ARHGAP18: variants seen among roughly 807,000 people sequenced by gnomAD.
ARHGAP18 encodes the protein Rho GTPase activating protein 18.
In ARHGAP18, 67 loss-of-function variants were observed where a neutral mutation model predicts 86.2. The observed-to-expected ratio is 0.78, with a 90% CI of 0.64 to 0.95. The LOEUF (loss-of-function observed/expected upper bound fraction) is 0.95. Among genes scored for constraint, ARHGAP18 ranks in the 40% least tolerant of loss-of-function variants. The pLI, the probability that ARHGAP18 is intolerant of heterozygous loss-of-function variation, is 0.00. For synonymous variants in ARHGAP18, 283 were observed against 280.4 expected (o/e 1.01, Z -0.09); for missense variants, 691 against 780.4 (o/e 0.89, Z 1.37).
At chr6:129,590,368 A>T (rs1478764051) in intron 12 of ARHGAP18, among the ~76,000 whole-genome samples, 1 of 152,164 alleles carries the variant, frequency 6.6e-6, no homozygotes, top group African/African-American at 2.4e-5. Flanking sequence ...GGAATCTAGG[A>T]TCTTTCTGAT....
At chr6:129,612,452 A>G (rs1050204427) in intron 7 of ARHGAP18, among the ~76,000 whole-genome samples, 5 of 152,234 alleles carry the variant, frequency 3.3e-5, no homozygotes, top group Admixed American at 2.0e-4. Flanking sequence ...TCATTTCACA[A>G]TTGCCTTCCC....
rs961071155 is a variant in ARHGAP18, at chr6:129,683,134, T to G, written c.113+26890A>C. Among the ~76,000 whole-genome samples the G allele has an allele frequency of 3.3e-5, 5 of 151,740 alleles. 1 individual carries two copies. The South Asian group carries it at 6.3e-4, about 19-fold the overall frequency. ...TCACCCAGGCTGGACTGCAGTGGCG[T>G]GATCTCGGCTCACTGCAAGCTCCAC... On this transcript the variant is annotated intron_variant, in intron 1 of 14. Transcript: ENST00000368149.
intron 8 of ARHGAP18, among the ~76,000 whole-genome samples, chr6:129,609,165 AGAGAGGCAGAAAAAATGGAGG>A (rs946066108): frequency 6.6e-6 from 1 of 152,098 alleles, no homozygotes; most frequent in Non-Finnish European, 1.5e-5. Context: ...GATCCAGAGA[AGAGAGGCAGAAAAAATGGAGG>A]GAGAGGGAGA....
intron 12 of ARHGAP18, among the ~76,000 whole-genome samples, chr6:129,596,250 G>A (rs1248910792): frequency 1.3e-5 from 2 of 151,902 alleles, no homozygotes; most frequent in Non-Finnish European, 2.9e-5. Flanking sequence ...TCACACTACC[G>A]TTCCCTCTGC....
At chr6:129,644,845 T>C (rs1773546586) in intron 1 of ARHGAP18, among the ~76,000 whole-genome samples, 1 of 152,222 alleles carries the variant, frequency 6.6e-6, no homozygotes, top group Non-Finnish European at 1.5e-5. Flanking sequence ...ACACCATCTA[T>C]ATCAAGCCTT....
chr6:129,685,033 G>A (rs375091392), intron 1 of ARHGAP18, among the ~76,000 whole-genome samples: 10 of 152,256 alleles, frequency 6.6e-5, no homozygotes, highest in East Asian at 1.9e-4. Context: ...AGACTCCGGC[G>A]GTGGACACTG....
intron 12 of ARHGAP18, among the ~76,000 whole-genome samples, chr6:129,597,707 T>C (rs1199431033): frequency 6.6e-6 from 1 of 150,680 alleles, no homozygotes; most frequent in East Asian, 1.9e-4. Context: ...TGTTGATGAG[T>C]AACTGAATTT....
chr6:129,582,676 C>T (rs760902884), intron 13 of ARHGAP18, among the ~76,000 whole-genome samples: 4 of 152,190 alleles, frequency 2.6e-5, no homozygotes, highest in African/African-American at 4.8e-5. Flanking sequence ...AGTCTCTGCA[C>T]TAGTGGTTCC....
At chr6:129,607,463 A>T (rs1788877582) in intron 9 of ARHGAP18, among the ~76,000 whole-genome samples, 1 of 152,192 alleles carries the variant, frequency 6.6e-6, no homozygotes, top group Non-Finnish European at 1.5e-5. Context: ...TAATTTTTCA[A>T]GAAATGCTCA....
chr6:129,629,643 A>G lies in ARHGAP18; in HGVS notation c.617-121T>C, dbSNP rs1773154496. 5 of 1,027,312 alleles carry G rather than the reference A, an allele frequency of 4.9e-6. No individual in the cohort carries two copies. In the Admixed American group the frequency reaches 8.6e-5, roughly 18 times the overall value. The allele number at this position is 1,027,312 out of a possible 1,614,324, so 63.6% of individuals were successfully genotyped here. ...GTACTATTTTCTCTAGGCAATACTT[A>G]GCCGTTATTTTAATACTAAAGAGTA... On this transcript the variant is annotated intron_variant, in intron 4 of 14. Coordinates refer to ENST00000368149, the MANE Select transcript of ARHGAP18 (RefSeq NM_033515.3).
chr6:129,604,790 G>A (rs186095322), intron 10 of ARHGAP18, among the ~76,000 whole-genome samples: 2 of 152,168 alleles, frequency 1.3e-5, no homozygotes, highest in Non-Finnish European at 2.9e-5. Context: ...TCTGATTTAG[G>A]AAAGGGAATA....
At chr6:129,605,221 G>A (rs538468227) in intron 10 of ARHGAP18, among the ~76,000 whole-genome samples, 1 of 152,094 alleles carries the variant, frequency 6.6e-6, no homozygotes, top group South Asian at 2.1e-4. Flanking sequence ...AATCAGTGTG[G>A]CACAATCCCT....
At chr6:129,630,571 T>C (rs1773178781) in intron 4 of ARHGAP18, among the ~76,000 whole-genome samples, 1 of 152,220 alleles carries the variant, frequency 6.6e-6, no homozygotes, top group Non-Finnish European at 1.5e-5. Flanking sequence ...CATAAATACA[T>C]ATATTAAGAG....
chr6:129,626,959 A>G (rs995711711), intron 5 of ARHGAP18, among the ~76,000 whole-genome samples: 2 of 152,138 alleles, frequency 1.3e-5, no homozygotes, highest in African/African-American at 2.4e-5. Flanking sequence ...GAACACTTCT[A>G]GAGTCCTGAT....
intron 1 of ARHGAP18, among the ~76,000 whole-genome samples, chr6:129,679,802 A>G (rs1366622284): frequency 6.6e-6 from 1 of 152,214 alleles, no homozygotes; most frequent in Non-Finnish European, 1.5e-5. Context: ...TTGGTGGCTT[A>G]AAACAAATGA....
At chr6:129,591,987 T>C (rs1271104264) in intron 12 of ARHGAP18, among the ~76,000 whole-genome samples, 1 of 152,190 alleles carries the variant, frequency 6.6e-6, no homozygotes, top group African/African-American at 2.4e-5. Context: ...ATCTTTGTTA[T>C]CCAAATGCCT....
chr6:129,698,283 A>G (rs1187776708), intron 1 of ARHGAP18, among the ~76,000 whole-genome samples: 1 of 152,220 alleles, frequency 6.6e-6, no homozygotes, highest in Non-Finnish European at 1.5e-5. Flanking sequence ...AATTTAAGAT[A>G]TCCCATGTTT....
At chr6:129,607,108 C>A (rs1788869911) in intron 9 of ARHGAP18, among the ~76,000 whole-genome samples, 1 of 152,088 alleles carries the variant, frequency 6.6e-6, no homozygotes, top group South Asian at 2.1e-4. Context: ...GATCTGCCCG[C>A]CTCAGCCTCC....
intron 12 of ARHGAP18, among the ~76,000 whole-genome samples, chr6:129,587,565 A>G (rs996333732): frequency 3.9e-5 from 6 of 152,178 alleles, no homozygotes; most frequent in African/African-American, 1.4e-4. Flanking sequence ...GAAACTTACA[A>G]TCATGGCAGA....
Sources: gnomAD v4.1 joint callset for allele counts (sites outside exome capture counted in the v4.1 genomes callset) on GRCh38, gnomAD v4.1.1 for gene constraint, MANE v1.5 for transcripts, NCBI Gene and HGNC (gene_info 2026-07-23, HGNC 2026-07-21) for gene names.